ALPK2: variants seen among roughly 807,000 people sequenced by gnomAD.
ALPK2 encodes the protein alpha-protein kinase 2.
In ALPK2, 127 loss-of-function variants were observed where a neutral mutation model predicts 163.1. The observed-to-expected ratio is 0.78, with a 90% CI of 0.67 to 0.90. The LOEUF (loss-of-function observed/expected upper bound fraction) is 0.90, where lower values mean the gene tolerates loss of function less well. ALPK2 is among the 40% of genes least tolerant of loss of function. ALPK2 has a pLI of 0.00. For missense variants in ALPK2, 2,360 were observed against 2,589.6 expected, an observed-to-expected ratio of 0.91 and a Z score of 1.92; for synonymous variants, 953 against 959.1, an observed-to-expected ratio of 0.99 and a Z score of 0.12.
In ALPK2 at chr18:58,498,103, G is replaced by A; in HGVS notation, c.6248-6C>T. 1 of 1,614,040 alleles carries A rather than the reference G, an allele frequency of 6.2e-7. No homozygotes were observed. The highest frequency in any genetic ancestry group is 8.5e-7 in the Non-Finnish European group (1 of 1,179,948). ...AGTTAGCTTCATTCCTACACCTACA[G>A]GAAGAGAAAGCAAAGATGGGAGTTT... On this transcript the variant is annotated splice_region_variant and splice_polypyrimidine_tract_variant and intron_variant, in intron 11 of 12. Transcript: ENST00000361673.
chr18:58,607,469 T>C (rs1389120274), intron 2 of ALPK2, 30 bp from the exon 3 acceptor site: 1 of 1,448,204 alleles, frequency 6.9e-7, no homozygotes, highest in Admixed American at 2.2e-5. Context: ...AGTATCCTTA[T>C]TAGTTTAAGT....
At chr18:58,498,547 C>T (rs1398757114) in intron 11 of ALPK2, among the ~76,000 whole-genome samples, 1 of 152,214 alleles carries the variant, frequency 6.6e-6, no homozygotes, top group African/African-American at 2.4e-5. Context: ...ATAGTCAATG[C>T]CAATAGCAAG....
intron 4 of ALPK2, among the ~76,000 whole-genome samples, chr18:58,576,130 T>C (rs957636603): frequency 6.6e-6 from 1 of 152,034 alleles, no homozygotes; most frequent in African/African-American, 2.4e-5. Context: ...TCCCAGCACT[T>C]TGGGAGGCTG....
chr18:58,564,586 C>T (rs1422125122), intron 4 of ALPK2, among the ~76,000 whole-genome samples: 2 of 150,386 alleles, frequency 1.3e-5, no homozygotes, highest in Non-Finnish European at 3.0e-5. Flanking sequence ...TTTGCTTAGA[C>T]AGACTTTCCT....
In ALPK2 at chr18:58,579,514, C is replaced by A. The variant is rs1420697349; in HGVS notation, c.1262G>T (p.Gly421Val). The change falls in exon 4 of 13, where the codon GGT (glycine) becomes GTT (valine). Residue 421 changes from glycine to valine, a missense_variant. Coordinates refer to ENST00000361673, the MANE Select transcript of ALPK2 (RefSeq NM_052947.4). ...CATCCCTGTTTGTGGGGATGAGGGA[C>A]CGTGCTTGGAGACTCTGCTGCTCCT... is the stretch of plus-strand genomic sequence containing the variant. ...GVRSSRVSKH[G>V]PSSPQTGMTL... is the part of the protein sequence containing the mutation. 6.2e-7 allele frequency: 1 copy of A among 1,613,924 alleles called. No homozygotes were observed. The highest frequency in any genetic ancestry group is 8.5e-7 in the Non-Finnish European group (1 of 1,180,020).
intron 10 of ALPK2, chr18:58,512,049 G>T (rs926149459): frequency 2.0e-5 from 3 of 152,196 alleles, no homozygotes; most frequent in Admixed American, 1.3e-4. Context: ...TAGGACAGTG[G>T]ACCTTTCCCG....
chr18:58,581,244 G>A (rs2051957446), intron 3 of ALPK2, among the ~76,000 whole-genome samples: 1 of 152,224 alleles, frequency 6.6e-6, no homozygotes, highest in African/African-American at 2.4e-5. Context: ...GTACTGGAAT[G>A]GCATAGAGAA....
At chr18:58,554,912 A>G (rs944137794) in intron 4 of ALPK2, among the ~76,000 whole-genome samples, 1 of 152,216 alleles carries the variant, frequency 6.6e-6, no homozygotes, top group Non-Finnish European at 1.5e-5. Context: ...TAAGTCTCAC[A>G]AGATCTAATG....
At chr18:58,512,825 AGGTGT>A (rs370123173) in intron 10 of ALPK2, among the ~76,000 whole-genome samples, 885 of 82,250 alleles carry the variant, frequency 0.011, 7 homozygotes, top group African/African-American at 0.033. Context: ...TGCATGTATG[AGGTGT>A]GTGTGTGTGT....
chr18:58,520,599 C>T (rs960945932), intron 8 of ALPK2, among the ~76,000 whole-genome samples: 2 of 152,238 alleles, frequency 1.3e-5, no homozygotes, highest in African/African-American at 4.8e-5. Flanking sequence ...TGGATACCTG[C>T]AGCCACTGGT....
At chr18:58,565,864 C>T (rs890572311) in intron 4 of ALPK2, among the ~76,000 whole-genome samples, 4 of 151,850 alleles carry the variant, frequency 2.6e-5, no homozygotes, top group African/African-American at 9.7e-5. Flanking sequence ...GTGGTGCAAC[C>T]TCTGCCTCCC....
chr18:58,594,304 G>T (rs2052030764), intron 3 of ALPK2, among the ~76,000 whole-genome samples: 1 of 152,070 alleles, frequency 6.6e-6, no homozygotes, highest in Admixed American at 6.6e-5. Context: ...AAATCCTATG[G>T]CATTACTACC....
In ALPK2 at chr18:58,573,216, ATATATATGTGTATATGTGTG is replaced by A. The variant is rs1183184960; in HGVS notation, c.1962+5578_1962+5597del. On this transcript the variant is annotated intron_variant, in intron 4 of 12. Coordinates refer to ENST00000361673, the MANE Select transcript of ALPK2 (RefSeq NM_052947.4). ...TGTGTATATATATGTGTATATATGT[ATATATATGTGTATATGTGTG>A]TATATATGTGTATATATGTATATAT... Among the ~76,000 whole-genome samples, 179 of 34,520 alleles carry A rather than the reference ATATATATGTGTATATGTGTG, an allele frequency of 5.2e-3. 15 individuals are homozygous for A. The highest frequency in any genetic ancestry group is 6.8e-3 in the African/African-American group (66 of 9,648). 22.6% of individuals were successfully genotyped at this position (34,520 alleles called of 152,430 possible).
chr18:58,487,875 C>A (rs1338311948), intron 12 of ALPK2, among the ~76,000 whole-genome samples: 6 of 151,752 alleles, frequency 4.0e-5, no homozygotes, highest in South Asian at 2.1e-4. Context: ...AAAACAAAAA[C>A]AAAAAATATG....
At chr18:58,595,047 A>G (rs958168652) in intron 3 of ALPK2, among the ~76,000 whole-genome samples, 1 of 152,176 alleles carries the variant, frequency 6.6e-6, no homozygotes, top group Non-Finnish European at 1.5e-5. Context: ...ATCCAAAGTC[A>G]TGACCATGTG....
chr18:58,550,370 A>ATACAACCCCATCCCCATCTCCATCACC (rs2051745955), intron 4 of ALPK2, among the ~76,000 whole-genome samples: 1 of 6,992 alleles, frequency 1.4e-4, no homozygotes, highest in Non-Finnish European at 3.4e-4. Context: ...TCTCTATCAC[A>ATACAACCCCATCCCCATCTCCATCACC]TACAACCCCA....
intron 4 of ALPK2, among the ~76,000 whole-genome samples, chr18:58,574,438 CAA>C (rs34107333): frequency 2.4e-3 from 119 of 49,400 alleles, no homozygotes; most frequent in African/African-American, 6.6e-3. Flanking sequence ...GACTCCATCT[CAA>C]AAAAAAAAAA....
intron 1 of ALPK2, among the ~76,000 whole-genome samples, chr18:58,615,833 C>T (rs2052164282): frequency 6.6e-6 from 1 of 152,208 alleles, no homozygotes; most frequent in Admixed American, 6.5e-5. Flanking sequence ...ATCTGTGACT[C>T]CTCCCCAGGT....
At chr18:58,587,449 A>G (rs2051993307) in intron 3 of ALPK2, among the ~76,000 whole-genome samples, 1 of 152,262 alleles carries the variant, frequency 6.6e-6, no homozygotes, top group Non-Finnish European at 1.5e-5. Flanking sequence ...TGCTAAACAC[A>G]AACTTTATCT....
Sources: gnomAD v4.1 joint callset for allele counts (sites outside exome capture counted in the v4.1 genomes callset) on GRCh38, gnomAD v4.1.1 for gene constraint, MANE v1.5 for transcripts, NCBI Gene and HGNC (gene_info 2026-07-23, HGNC 2026-07-21) for gene names.